The following GRIA1 variants were observed in gnomAD, a reference collection of about 807,000 sequenced individuals.
GRIA1 encodes glutamate receptor 1.
GRIA1 carries 31 observed loss-of-function variants against 99.2 expected under a neutral mutation model. The observed-to-expected ratio is 0.31, with a 90% CI of 0.23 to 0.42. GRIA1 has a LOEUF of 0.42. Ranked by LOEUF, GRIA1 falls within the 10% of genes least tolerant of loss-of-function variation. The pLI is 1.00. For synonymous variants in GRIA1, 438 were observed against 432.4 expected, an observed-to-expected ratio of 1.01 and a Z score of -0.16; for missense variants, 782 against 1,157.5, an observed-to-expected ratio of 0.68 and a Z score of 4.71.
At chr5:153,539,267 C>T (rs1167299467) in intron 2 of GRIA1, among the ~76,000 whole-genome samples, 1 of 152,100 alleles carries the variant, frequency 6.6e-6, no homozygotes, top group African/African-American at 2.4e-5. Flanking sequence ...AAAATTAAAA[C>T]AAAGCATTGT....
At chr5:153,802,522 C>T (rs1561872775) in intron 15 of GRIA1, 32 bp downstream of exon 15, 1 of 1,612,312 alleles carries the variant, frequency 6.2e-7, no homozygotes, top group Non-Finnish European at 8.5e-7. Context: ...TTTTTCCTAA[C>T]CTGTTCTGTG....
At chr5:153,711,380 A>G (rs1206853587) in intron 11 of GRIA1, among the ~76,000 whole-genome samples, 1 of 152,180 alleles carries the variant, frequency 6.6e-6, no homozygotes, top group Non-Finnish European at 1.5e-5. Flanking sequence ...ACATGGATTT[A>G]TGGTTCACTC....
chr5:153,754,913 A>G (rs1453273524), intron 11 of GRIA1, among the ~76,000 whole-genome samples: 2 of 152,222 alleles, frequency 1.3e-5, no homozygotes, highest in South Asian at 4.1e-4. Context: ...AACAGATGCC[A>G]TAGTTCTGCT....
chr5:153,626,345 C>T (rs1767600372), intron 2 of GRIA1, among the ~76,000 whole-genome samples: 1 of 151,984 alleles, frequency 6.6e-6, no homozygotes, highest in Admixed American at 6.6e-5. Flanking sequence ...AGGTTCCCAC[C>T]TGAAGTCTTG....
At chr5:153,680,152 G>C in intron 7 of GRIA1, among the ~76,000 whole-genome samples, 1 of 152,090 alleles carries the variant, frequency 6.6e-6, no homozygotes, top group East Asian at 1.9e-4. Flanking sequence ...TCAAGGGCAC[G>C]GCCAAACAGG....
chr5:153,734,241 G>T (rs1015284820), intron 11 of GRIA1, among the ~76,000 whole-genome samples: 2 of 152,212 alleles, frequency 1.3e-5, no homozygotes, highest in South Asian at 4.1e-4. Flanking sequence ...CACAGTTCTG[G>T]CACCCAGTTC....
chr5:153,596,826 A>C (rs1455307055), intron 2 of GRIA1, among the ~76,000 whole-genome samples: 1 of 152,184 alleles, frequency 6.6e-6, no homozygotes, highest in Non-Finnish European at 1.5e-5. Flanking sequence ...TGCACCACTA[A>C]TCTTTGCTAG....
Position 153,674,614 on chromosome 5 carries a change from A to T in GRIA1, c.814A>T (p.Asn272Tyr), listed in dbSNP as rs751881473. The part of the protein sequence containing the change: ...IPAKIMQQWK[N>Y]SDARDHTRVD... ...GGCCAAGATCATGCAGCAGTGGAAG[A>T]ATAGTGATGCTCGAGACCACACACG... Residue 272 changes from asparagine to tyrosine, a missense_variant, in exon 6 of 16, where the codon AAT becomes TAT. This residue lies in a region of GRIA1 where 461 missense variants were observed against 521.7 expected (regional missense o/e 0.88). Transcript: ENST00000285900. 9.3e-6 allele frequency: 15 copies of T among 1,614,020 alleles called. No homozygotes were observed. The highest frequency in any genetic ancestry group is 1.7e-5 in the Admixed American group (1 of 60,002).
chr5:153,537,855 A>G (rs1166257749), intron 2 of GRIA1, among the ~76,000 whole-genome samples: 1 of 152,232 alleles, frequency 6.6e-6, no homozygotes, highest in African/African-American at 2.4e-5. Flanking sequence ...TTTGTTTTTA[A>G]TAACCACTGG....
Position 153,562,895 on chromosome 5 carries a change from C to T in GRIA1, c.220+68830C>T, listed in dbSNP as rs564889909. 4.6e-5 allele frequency among the ~76,000 whole-genome samples: 7 copies of T among 152,164 alleles called. No homozygotes were observed. The East Asian group carries it at 5.8e-4, about 13-fold the overall frequency. On this transcript the variant is annotated intron_variant, in intron 2 of 15. Coordinates refer to ENST00000285900, the MANE Select transcript of GRIA1 (RefSeq NM_000827.4). ...ATTTAATGATTTGAAATCCTGCTTG[C>T]GGCCAGGCACGGTGGCTCATGCCTG...
chr5:153,730,708 C>A (rs1270256696), intron 11 of GRIA1, among the ~76,000 whole-genome samples: 2 of 152,078 alleles, frequency 1.3e-5, no homozygotes, highest in Non-Finnish European at 2.9e-5. Flanking sequence ...CATTGAGCAG[C>A]CTTGAAAGTA....
At chr5:153,662,628 C>T (rs1007412217) in intron 5 of GRIA1, among the ~76,000 whole-genome samples, 3 of 152,242 alleles carry the variant, frequency 2.0e-5, no homozygotes, top group South Asian at 2.1e-4. Flanking sequence ...TCATCTCACC[C>T]GGCGCCTCAT....
At chr5:153,608,488 G>A (rs1349833278) in intron 2 of GRIA1, among the ~76,000 whole-genome samples, 1 of 151,970 alleles carries the variant, frequency 6.6e-6, no homozygotes, top group Non-Finnish European at 1.5e-5. Flanking sequence ...CTATCTTGAT[G>A]TTTGCTAATT....
At chr5:153,619,578 G>A (rs1007328050) in intron 2 of GRIA1, among the ~76,000 whole-genome samples, 1 of 152,086 alleles carries the variant, frequency 6.6e-6, no homozygotes, top group Non-Finnish European at 1.5e-5. Flanking sequence ...GGGGTAGGGT[G>A]AGCCAAATGG....
chr5:153,766,628 A>G (rs1220527598), intron 12 of GRIA1, among the ~76,000 whole-genome samples: 1 of 152,212 alleles, frequency 6.6e-6, no homozygotes, highest in African/African-American at 2.4e-5. Flanking sequence ...CAATCCAAGT[A>G]TTCCTGTCAC....
At chr5:153,754,512 A>G (rs1762698473) in intron 11 of GRIA1, among the ~76,000 whole-genome samples, 1 of 152,198 alleles carries the variant, frequency 6.6e-6, no homozygotes, top group African/African-American at 2.4e-5. Flanking sequence ...AACAGGGAAG[A>G]AGGAGTCTTA....
At chr5:153,637,603 C>A (rs941486447) in intron 2 of GRIA1, among the ~76,000 whole-genome samples, 45 of 152,122 alleles carry the variant, frequency 3.0e-4, no homozygotes, top group African/African-American at 1.0e-3. Flanking sequence ...GGGTTGAGTT[C>A]TGTAATGGGA....
chr5:153,621,374 G>A (rs981781984), intron 2 of GRIA1, among the ~76,000 whole-genome samples: 1 of 152,136 alleles, frequency 6.6e-6, no homozygotes, highest in Non-Finnish European at 1.5e-5. Context: ...GGTAAAGATG[G>A]CAGTATCGCT....
At chr5:153,683,787 A>G (rs1232580709) in intron 7 of GRIA1, among the ~76,000 whole-genome samples, 1 of 152,202 alleles carries the variant, frequency 6.6e-6, no homozygotes, top group Admixed American at 6.5e-5. Context: ...TCATCTAAAT[A>G]ATATAAACTA....
Sources: allele counts gnomAD v4.1 joint callset (sites outside exome capture counted in the v4.1 genomes callset), GRCh38; gene constraint gnomAD v4.1.1; regional missense constraint gnomAD v4.1.1; transcripts MANE v1.5; gene names NCBI Gene and HGNC (gene_info 2026-07-23, HGNC 2026-07-21).